PSD4: variants seen among roughly 807,000 people sequenced by gnomAD.
PSD4 encodes the protein PH and SEC7 domain-containing protein 4.
A neutral mutation model predicts 112.5 loss-of-function variants in PSD4; 59 were observed. That is an observed-to-expected ratio of 0.52 (90% CI 0.43 to 0.65). The LOEUF (loss-of-function observed/expected upper bound fraction) is 0.65. Ranked by LOEUF, PSD4 falls within the 30% of genes least tolerant of loss-of-function variation. The pLI is 0.00. For synonymous variants in PSD4, 533 were observed against 540.0 expected (o/e 0.99, Z 0.18); for missense variants, 1,267 against 1,352.6 (o/e 0.94, Z 0.99).
chr2:113,188,827 T>C (rs923635695), intron 5 of PSD4, among the ~76,000 whole-genome samples: 1 of 151,890 alleles, frequency 6.6e-6, no homozygotes, highest in African/African-American at 2.4e-5. Flanking sequence ...CTTGGCCTCC[T>C]AAAGTGCTGG....
intron 5 of PSD4, among the ~76,000 whole-genome samples, chr2:113,191,669 C>A (rs1442232711): frequency 5.3e-5 from 8 of 152,246 alleles, no homozygotes; most frequent in Non-Finnish European, 8.8e-5. Flanking sequence ...GAATACCCCA[C>A]ACTTGATTGT....
At chr2:113,180,784 C>A (rs1447858369) in intron 1 of PSD4, among the ~76,000 whole-genome samples, 1 of 152,156 alleles carries the variant, frequency 6.6e-6, no homozygotes, top group Admixed American at 6.5e-5. Context: ...CTGGAAGTCA[C>A]ACGTGGTTAT....
intron 1 of PSD4, among the ~76,000 whole-genome samples, chr2:113,181,227 CA>C (rs34479674): frequency 0.31 from 36,428 of 118,496 alleles, 5,119 homozygotes; most frequent in East Asian, 0.55. Context: ...GACTCTGTCT[CA>C]AAAAAAAAAA....
intron 1 of PSD4, among the ~76,000 whole-genome samples, chr2:113,181,573 A>G (rs1688139206): frequency 6.6e-6 from 1 of 152,166 alleles, no homozygotes. Context: ...CCAGGCAGAC[A>G]TGGCTGCCAC....
chr2:113,196,429 A>G (rs2241978), intron 12 of PSD4, 122 bp downstream of exon 12: 624,572 of 1,303,306 alleles, frequency 0.48, 153,636 homozygotes, highest in East Asian at 0.64. Context: ...CAGCCAGCCC[A>G]TGTTCCTTCC....
chr2:113,189,075 CT>C (rs1332324933), intron 5 of PSD4, among the ~76,000 whole-genome samples: 1 of 152,106 alleles, frequency 6.6e-6, no homozygotes, highest in Admixed American at 6.5e-5. Flanking sequence ...CCCTTTACCC[CT>C]GAGTCTCCAA....
intron 11 of PSD4, 74 bp downstream of exon 11, chr2:113,195,844 C>G: frequency 6.3e-7 from 1 of 1,579,134 alleles, no homozygotes; most frequent in Non-Finnish European, 8.7e-7. Context: ...CTCTGTCACC[C>G]ACCCGAGAGT....
rs45528032 is a variant in PSD4 at position 113,193,147 on chromosome 2, C to T, written c.1919+19C>T. The T allele has an allele frequency of 5.6e-6, 9 of 1,611,946 alleles. No homozygotes were observed. Among genetic ancestry groups the T allele is most frequent in the Non-Finnish European group, 6.8e-6 (8 of 1,178,060 alleles). The stretch of plus-strand genomic sequence containing the variant: ...CCCTCCGGTAATGTCTTTGGGCCCT[C>T]TCTGGGGAGGCTGTGGAGGATGGCA... On this transcript the variant is annotated intron_variant, in intron 7 of 16. Transcript: ENST00000245796.
intron 5 of PSD4, among the ~76,000 whole-genome samples, chr2:113,189,313 T>C (rs943998298): frequency 1.3e-5 from 2 of 149,966 alleles, no homozygotes; most frequent in Non-Finnish European, 3.0e-5. Flanking sequence ...TATTCAATCA[T>C]ATATGTGATT....
intron 16 of PSD4, among the ~76,000 whole-genome samples, chr2:113,200,740 T>C (rs1159315392): frequency 1.3e-5 from 2 of 152,200 alleles, no homozygotes; most frequent in East Asian, 1.9e-4. Flanking sequence ...TGAGGGTAGT[T>C]AGCATCATGC....
At position 113,208,713 on chromosome 2, in the gene PSD4, C is replaced by T. The variant is rs533562411; in HGVS notation, c.*7298C>T. ...CTTGCTGACAGTCTTGCCCACCACT[C>T]CTGGCCTCCTCCCTCTACATGTCCA... On this transcript the variant is annotated 3_prime_UTR_variant, in exon 17 of 17. Coordinates refer to ENST00000245796, the MANE Select transcript of PSD4 (RefSeq NM_012455.3). 1.3e-5 allele frequency: 2 copies of T among 152,348 alleles called. No homozygotes were observed. Among genetic ancestry groups the T allele is most frequent in the East Asian group, 1.9e-4 (1 of 5,180 alleles). 9.4% of individuals were successfully genotyped at this position (152,348 alleles called of 1,614,324 possible). A position where few individuals can be genotyped will look rare whatever the true frequency, so the allele number is the denominator to read the frequency against.
At chr2:113,185,233 G>C in intron 3 of PSD4, 132 bp from the exon 4 acceptor site, 1 of 1,544,316 alleles carries the variant, frequency 6.5e-7, no homozygotes, top group Non-Finnish European at 8.8e-7. Context: ...GTGGGAGGAG[G>C]ATGGAGGGGC....
chr2:113,197,609 G>C lies in PSD4; in HGVS notation c.2432G>C (p.Arg811Pro). Reference sequence around the variant, plus strand: ...TGGAAGATGTTCCACACCTTACTGCGAGGGATGGTTCTCTACTTCCTGAAG... The same window carrying C: ...TGGAAGATGTTCCACACCTTACTGCCAGGGATGGTTCTCTACTTCCTGAAG... Reference protein sequence around the residue: ...RGWKMFHTLLRGMVLYFLKQG... With the variant: ...RGWKMFHTLLPGMVLYFLKQG... Residue 811 changes from arginine to proline, a missense_variant, in exon 13 of 17, where the codon CGA becomes CCA. By Grantham distance (103) the Arg-to-Pro change is moderately radical. This residue lies in a region of PSD4 where 544 missense variants were observed against 648.6 expected (regional missense o/e 0.84). Coordinates refer to ENST00000245796, the MANE Select transcript of PSD4 (RefSeq NM_012455.3). 6.2e-7 allele frequency: 1 copy of C among 1,614,220 alleles called. No homozygotes were observed. The highest frequency in any genetic ancestry group is 8.5e-7 in the Non-Finnish European group (1 of 1,180,032).
At position 113,203,321 on chromosome 2, in the gene PSD4, C is replaced by G. The variant is rs1242245950; in HGVS notation, c.*1906C>G. ...GTGTGCTGAAAAGACACATTCCCAGCCCACACCCAGGGATGCTGATTCAGT... is the reference window on the plus strand; with the variant it reads ...GTGTGCTGAAAAGACACATTCCCAGGCCACACCCAGGGATGCTGATTCAGT... On this transcript the variant is annotated 3_prime_UTR_variant, in exon 17 of 17. Transcript: ENST00000245796. 6.6e-6 allele frequency: 1 copy of G among 152,114 alleles called. No homozygotes were observed. Among genetic ancestry groups the G allele is most frequent in the East Asian group, 1.9e-4 (1 of 5,184 alleles). 9.4% of individuals were successfully genotyped at this position (152,114 alleles called of 1,614,324 possible). A position where few individuals can be genotyped will look rare whatever the true frequency, so the allele number is the denominator to read the frequency against.
Position 113,201,750 on chromosome 2 carries a change from T to C in PSD4, c.*335T>C. On this transcript the variant is annotated 3_prime_UTR_variant, in exon 17 of 17. Transcript: ENST00000245796. Reference sequence around the variant, plus strand: ...CAGAATCCAGAGTGGCCTCATTTCCTAGACTTGCTGAGAACTCAGCACTTG... The same window carrying C: ...CAGAATCCAGAGTGGCCTCATTTCCCAGACTTGCTGAGAACTCAGCACTTG... 1 of 341,320 alleles carries C rather than the reference T, an allele frequency of 2.9e-6. No homozygotes were observed. Among genetic ancestry groups the C allele is most frequent in the African/African-American group, 2.1e-5 (1 of 47,736 alleles). The allele number at this position is 341,320 out of a possible 1,614,324, so 21.1% of individuals were successfully genotyped here.
intron 10 of PSD4, 145 bp from the exon 11 acceptor site, chr2:113,195,582 T>G: frequency 1.4e-6 from 1 of 701,688 alleles, no homozygotes. Flanking sequence ...GATGGATGCT[T>G]GCTTACTCAA....
rs1483808921 is a variant in PSD4, at chr2:113,199,021, G to A, written c.2770-62G>A. 12 of 1,509,848 alleles carry A rather than the reference G, an allele frequency of 7.9e-6. No individual in the cohort carries two copies. The South Asian group carries it at 1.1e-4, about 14-fold the overall frequency. The allele number at this position is 1,509,848 out of a possible 1,614,324, so 93.5% of individuals were successfully genotyped here. On this transcript the variant is annotated intron_variant, in intron 15 of 16. Coordinates refer to ENST00000245796, the MANE Select transcript of PSD4 (RefSeq NM_012455.3). ...AGGCGGCCAGGGGGGCGGCGCGCCC[G>A]GGCCCGGAAAGCGGCGGAGGGGACG... is the stretch of plus-strand genomic sequence containing the variant.
intron 16 of PSD4, among the ~76,000 whole-genome samples, chr2:113,200,752 C>T (rs1473260440): frequency 1.3e-5 from 2 of 152,186 alleles, no homozygotes; most frequent in Non-Finnish European, 2.9e-5. Context: ...GCATCATGCT[C>T]CACAGATGCC....
chr2:113,199,041 G>C, intron 15 of PSD4, 42 bp from the exon 16 acceptor site: 1 of 1,511,302 alleles, frequency 6.6e-7, no homozygotes, highest in Non-Finnish European at 8.8e-7. Flanking sequence ...AGCGGCGGAG[G>C]GGACGCCCGG....
Sources: allele counts gnomAD v4.1 joint callset (sites outside exome capture counted in the v4.1 genomes callset), GRCh38; gene constraint gnomAD v4.1.1; regional missense constraint gnomAD v4.1.1; transcripts MANE v1.5; gene names NCBI Gene and HGNC (gene_info 2026-07-23, HGNC 2026-07-21).